Variants in IQSEC1 observed in about 807,000 individuals in gnomAD.
IQSEC1 encodes IQ motif and SEC7 domain-containing protein 1.
Under a neutral mutation model 91.0 loss-of-function variants are expected in IQSEC1, and 31 were observed. That is an observed-to-expected ratio of 0.34 (90% CI 0.26 to 0.46). The LOEUF is 0.46. IQSEC1 is among the 20% of genes least tolerant of loss of function. IQSEC1 has a pLI of 1.00. For missense variants in IQSEC1, 1,388 were observed against 1,575.6 expected, an observed-to-expected ratio of 0.88 and a Z score of 2.02; for synonymous variants, 699 against 662.6, an observed-to-expected ratio of 1.05 and a Z score of -0.84.
At chr3:12,978,628 C>A (rs992471553) in intron 1 of IQSEC1, among the ~76,000 whole-genome samples, 1 of 152,000 alleles carries the variant, frequency 6.6e-6, no homozygotes, top group African/African-American at 2.4e-5. Flanking sequence ...TCACTTGAAC[C>A]CTGGAGGTGG....
intron 1 of IQSEC1, among the ~76,000 whole-genome samples, chr3:12,956,544 C>T (rs970478526): frequency 6.6e-6 from 1 of 152,196 alleles, no homozygotes; most frequent in African/African-American, 2.4e-5. Flanking sequence ...CACCAGACGC[C>T]CTCGTTCCTA....
rs1700651042 is a variant in IQSEC1, at chr3:12,967,420, G to GTCC, written c.24-25558_24-25556dup. ...AAGCTCTAGCTCCAGAAGGGACTGG[G>GTCC]TCCTCTCCGAGTTGCAGTGCAGGCA... On this transcript the variant is annotated intron_variant, in intron 1 of 13. Coordinates refer to ENST00000613206, the MANE Select transcript of IQSEC1 (RefSeq NM_001134382.3). This position sits in a 1 kb window ranked among gnomAD's most constrained non-coding sequence, Gnocchi z 5.9. 3.3e-6 allele frequency: 5 copies of GTCC among 1,534,886 alleles called. No individual in the cohort carries two copies. The African/African-American group carries it at 7.0e-5, about 21-fold the overall frequency.
chr3:12,961,321 G>T (rs1415362676), intron 1 of IQSEC1, among the ~76,000 whole-genome samples: 1 of 152,222 alleles, frequency 6.6e-6, no homozygotes, highest in Non-Finnish European at 1.5e-5. Flanking sequence ...CTCACACATG[G>T]TGCAGGCCAT....
chr3:13,022,523 T>G, intron 1 of IQSEC1: 1 of 943,092 alleles, frequency 1.1e-6, no homozygotes, highest in Non-Finnish European at 1.3e-6. Flanking sequence ...AAAGCTCAGC[T>G]GCCGGAGCCC....
chr3:13,064,195 ACACACGCATG>A (rs1705163945), intron 1 of IQSEC1, among the ~76,000 whole-genome samples: 1 of 152,136 alleles, frequency 6.6e-6, no homozygotes, highest in African/African-American at 2.4e-5. Context: ...ATAGAACTAA[ACACACGCATG>A]CACACACATA....
intron 1 of IQSEC1, among the ~76,000 whole-genome samples, chr3:12,951,756 G>C (rs570630671): frequency 6.6e-6 from 1 of 152,324 alleles, no homozygotes; most frequent in Admixed American, 6.5e-5. Flanking sequence ...CTGGCAGGCA[G>C]GGTTTGGATG....
In IQSEC1 at chr3:13,198,836, G is replaced by A. The variant is rs574639020; in HGVS notation, c.273-34703C>T. On this transcript the variant is annotated intron_variant, in intron 1 of 15. Transcript: ENST00000648114. Reference sequence around the variant, plus strand: ...GCTGGAGCTCATGCCCTTGGAGTGAGGAGTTATTATTCTGCTGAAGAAAAG... The same window carrying A: ...GCTGGAGCTCATGCCCTTGGAGTGAAGAGTTATTATTCTGCTGAAGAAAAG... 1.4e-4 allele frequency among the ~76,000 whole-genome samples: 21 copies of A among 152,324 alleles called. 1 individual carries two copies. The South Asian group carries it at 4.4e-3, about 32-fold the overall frequency.
intron 9 of IQSEC1, 54 bp from the exon 10 acceptor site, chr3:12,911,782 A>C: frequency 8.2e-7 from 1 of 1,218,372 alleles, no homozygotes; most frequent in Non-Finnish European, 1.2e-6. Flanking sequence ...GGCACTGACT[A>C]TGTGGGACCT....
At chr3:13,154,038 C>T (rs765034851) in intron 2 of IQSEC1, among the ~76,000 whole-genome samples, 5 of 152,140 alleles carry the variant, frequency 3.3e-5, no homozygotes, top group South Asian at 4.2e-4. Context: ...AAATCGAGGA[C>T]GGATTTTAAG....
rs1698651438 is a variant in IQSEC1, at chr3:12,940,516, G to A, written c.318+1055C>T. Among the ~76,000 whole-genome samples, 1 of 151,940 alleles carries A rather than the reference G, an allele frequency of 6.6e-6. No homozygotes were observed. Among genetic ancestry groups the A allele is most frequent in the Non-Finnish European group, 1.5e-5 (1 of 67,964 alleles). On this transcript the variant is annotated intron_variant, in intron 2 of 13. Coordinates refer to ENST00000613206, the MANE Select transcript of IQSEC1 (RefSeq NM_001134382.3). The surrounding 1 kb of genome is among the most constrained non-coding windows in gnomAD (Gnocchi z 4.4). ...GGTGTGGGTGGGAGTGAAGGCCAGG[G>A]GCTTCTGCAGCATGGAGTCTGGGAA...
chr3:12,985,922 G>A (rs2125606933), intron 1 of IQSEC1, among the ~76,000 whole-genome samples: 1 of 152,296 alleles, frequency 6.6e-6, no homozygotes, highest in East Asian at 1.9e-4. Flanking sequence ...AGAGACAGGA[G>A]CTCAGAATTT....
intron 1 of IQSEC1, among the ~76,000 whole-genome samples, chr3:13,061,173 G>C (rs1367531428): frequency 6.6e-6 from 1 of 152,104 alleles, no homozygotes; most frequent in Non-Finnish European, 1.5e-5. Context: ...GGCCCACGAG[G>C]CTGGGAATGA....
chr3:12,918,042 C>T (rs1054488767), intron 6 of IQSEC1, among the ~76,000 whole-genome samples: 2 of 152,240 alleles, frequency 1.3e-5, no homozygotes, highest in African/African-American at 4.8e-5. Flanking sequence ...ATGCACTCGG[C>T]ACAGAGCACC....
intron 1 of IQSEC1, among the ~76,000 whole-genome samples, chr3:13,269,744 G>T (rs183745475): frequency 6.6e-6 from 1 of 152,248 alleles, no homozygotes; most frequent in African/African-American, 2.4e-5. Flanking sequence ...TGAAACTTCC[G>T]CAGCCTTGAC....
rs947649216 is a variant in IQSEC1, at chr3:12,935,178, C to T, written c.1568+270G>A. On this transcript the variant is annotated intron_variant, in intron 3 of 13. Coordinates refer to ENST00000613206, the MANE Select transcript of IQSEC1 (RefSeq NM_001134382.3). The surrounding 1 kb of genome is among the most constrained non-coding windows in gnomAD (Gnocchi z 8.0). ...TTGGGGGGGATGGGACGGAAGGGCC[C>T]GGGACTCAAGTTGCTTCGGCACAGA... Among the ~76,000 whole-genome samples, 4 of 152,192 alleles carry T rather than the reference C, an allele frequency of 2.6e-5. No homozygotes were observed. The highest frequency in any genetic ancestry group is 6.5e-5 in the Admixed American group (1 of 15,286).
Position 12,988,538 on chromosome 3 carries a change from C to T in IQSEC1, c.24-46673G>A, listed in dbSNP as rs1266586455. On this transcript the variant is annotated intron_variant, in intron 1 of 13. Transcript: ENST00000613206. ...AAAGGAGCCAGACCTGAACAAATAT[C>T]CACAGCCTGTTTATATTCAGCTCAA... Among the ~76,000 whole-genome samples, 3 of 152,192 alleles carry T rather than the reference C, an allele frequency of 2.0e-5. No individual in the cohort carries two copies. The South Asian group carries it at 6.2e-4, about 31-fold the overall frequency.
Position 12,899,582 on chromosome 3 carries a change from G to C in IQSEC1, c.*1401C>G, listed in dbSNP as rs114068832. ...GCCCTGGCAGCTCACTGGACCATGG[G>C]AAGGCAGCGGGGGCTCCGCCGGGCA... is the stretch of plus-strand genomic sequence containing the variant. On this transcript the variant is annotated 3_prime_UTR_variant, in exon 14 of 14. Coordinates refer to ENST00000613206, the MANE Select transcript of IQSEC1 (RefSeq NM_001134382.3). 9 of 1,469,848 alleles carry C rather than the reference G, an allele frequency of 6.1e-6. No homozygotes were observed. The highest frequency in any genetic ancestry group is 8.2e-6 in the Non-Finnish European group (9 of 1,101,884). The allele number at this position is 1,469,848 out of a possible 1,614,324, so 91.1% of individuals were successfully genotyped here. A position where few individuals can be genotyped will look rare whatever the true frequency, so the allele number is the denominator to read the frequency against.
chr3:12,955,885 G>A (rs1023391382), intron 1 of IQSEC1, among the ~76,000 whole-genome samples: 3 of 151,696 alleles, frequency 2.0e-5, no homozygotes, highest in Non-Finnish European at 2.9e-5. Context: ...GATTCTGTGT[G>A]GGGGGTTCAC....
chr3:13,202,431 A>G (rs1231430073), intron 1 of IQSEC1, among the ~76,000 whole-genome samples: 3 of 152,218 alleles, frequency 2.0e-5, no homozygotes, highest in Admixed American at 2.0e-4. Flanking sequence ...GAATAAACAG[A>G]ATGTGGTGCA....
Sources: allele counts gnomAD v4.1 joint callset (sites outside exome capture counted in the v4.1 genomes callset), GRCh38; gene constraint gnomAD v4.1.1; non-coding constraint Gnocchi (gnomAD v3.1); transcripts MANE v1.5; gene names NCBI Gene and HGNC (gene_info 2026-07-23, HGNC 2026-07-21).